The following SGCZ variants were observed in gnomAD, a reference collection of about 807,000 sequenced individuals.
The protein encoded by SGCZ is zeta-sarcoglycan.
A neutral mutation model predicts 41.3 loss-of-function variants in SGCZ; 40 were observed. That is an observed-to-expected ratio of 0.97 (90% CI 0.75 to 1.26). The LOEUF is 1.26. SGCZ is among the 50% of genes most tolerant of loss of function. The probability of loss-of-function intolerance (pLI) is 0.00; values close to 1 mark genes in which losing one functional copy is unlikely to be tolerated. For synonymous variants in SGCZ, 206 were observed against 137.5 expected (o/e 1.50, Z -3.49); for missense variants, 552 against 369.8 (o/e 1.49, Z -4.04).
intron 1 of SGCZ, among the ~76,000 whole-genome samples, chr8:14,648,831 C>T (rs117908794): frequency 0.011 from 1,623 of 152,092 alleles, 17 homozygotes; most frequent in Non-Finnish European, 0.013. Context: ...ATATTTCTGC[C>T]TTGTAGTGAC....
intron 1 of SGCZ, among the ~76,000 whole-genome samples, chr8:15,149,680 C>T (rs1799125001): frequency 7.8e-6 from 1 of 128,742 alleles, no homozygotes; most frequent in South Asian, 2.6e-4. Flanking sequence ...AAACAGTCAC[C>T]TTTAACGACT....
At chr8:15,064,766 A>G (rs2131016987) in intron 1 of SGCZ, among the ~76,000 whole-genome samples, 1 of 152,160 alleles carries the variant, frequency 6.6e-6, no homozygotes, top group African/African-American at 2.4e-5. Flanking sequence ...TAGATTTGAA[A>G]CTGAGCTCCC....
At chr8:15,126,292 T>C (rs1807677634) in intron 1 of SGCZ, among the ~76,000 whole-genome samples, 1 of 152,220 alleles carries the variant, frequency 6.6e-6, no homozygotes, top group African/African-American at 2.4e-5. Flanking sequence ...ACTATTTATA[T>C]CTACAGAGAT....
At position 15,021,475 on chromosome 8, in the gene SGCZ, C is replaced by A. The variant is rs1175442036; in HGVS notation, c.39+216110G>T. On this transcript the variant is annotated intron_variant, in intron 1 of 7. Transcript: ENST00000382080. ...CTGTTGGCTTATCTGAGGTTGTACACCCCTCTGACTTCCAACTTATAAGTC... is the reference window on the plus strand; with the variant it reads ...CTGTTGGCTTATCTGAGGTTGTACAACCCTCTGACTTCCAACTTATAAGTC... 3.3e-5 allele frequency among the ~76,000 whole-genome samples: 5 copies of A among 152,244 alleles called. No homozygotes were observed. The East Asian group carries it at 7.7e-4, about 24-fold the overall frequency.
intron 1 of SGCZ, among the ~76,000 whole-genome samples, chr8:14,775,170 G>A (rs1371424469): frequency 2.6e-5 from 4 of 152,190 alleles, no homozygotes; most frequent in African/African-American, 7.2e-5. Flanking sequence ...TTACATTACT[G>A]TGTATATGAA....
At chr8:14,472,400 T>C (rs539875809) in intron 2 of SGCZ, among the ~76,000 whole-genome samples, 2 of 152,228 alleles carry the variant, frequency 1.3e-5, no homozygotes, top group East Asian at 3.9e-4. Context: ...AGACCTACCA[T>C]ACCATTGTCT....
chr8:14,424,592 T>C (rs1799725817), intron 2 of SGCZ, among the ~76,000 whole-genome samples: 1 of 151,542 alleles, frequency 6.6e-6, no homozygotes, highest in African/African-American at 2.4e-5. Context: ...CATCTATAAT[T>C]CATATATTTT....
intron 3 of SGCZ, among the ~76,000 whole-genome samples, chr8:14,314,286 A>T (rs988527226): frequency 1.3e-5 from 2 of 151,598 alleles, no homozygotes; most frequent in African/African-American, 2.4e-5. Context: ...TCATAGTATT[A>T]TTTTTTTTCC....
chr8:14,555,115 T>C (rs1161755814), intron 1 of SGCZ, among the ~76,000 whole-genome samples, 189 bp from the exon 2 acceptor site: 1 of 152,036 alleles, frequency 6.6e-6, no homozygotes, highest in Non-Finnish European at 1.5e-5. Flanking sequence ...CAATATAGTT[T>C]TTTAGAGATG....
chr8:14,693,826 A>C (rs1291172436), intron 1 of SGCZ, among the ~76,000 whole-genome samples: 2 of 151,988 alleles, frequency 1.3e-5, no homozygotes, highest in Admixed American at 1.3e-4. Flanking sequence ...TCCTGACCTC[A>C]GGTGATCCGC....
chr8:14,892,125 T>C (rs951307560), intron 1 of SGCZ, among the ~76,000 whole-genome samples: 2 of 152,166 alleles, frequency 1.3e-5, no homozygotes, highest in African/African-American at 2.4e-5. Context: ...TAGTTGTACA[T>C]CATTTTACAT....
intron 2 of SGCZ, among the ~76,000 whole-genome samples, chr8:14,505,236 G>C (rs951012288): frequency 6.6e-6 from 1 of 152,084 alleles, no homozygotes; most frequent in Non-Finnish European, 1.5e-5. Flanking sequence ...GTTTATTGAA[G>C]TTGTCAAGTA....
In SGCZ at chr8:14,819,790, C is replaced by A. The variant is rs188948164; in HGVS notation, c.40-264864G>T. ...TGACCAAAGTCAAGTTGCTATGAAC[C>A]TAAAATAATCCATTTTAACCACAAG... On this transcript the variant is annotated intron_variant, in intron 1 of 7. Transcript: ENST00000382080. Among the ~76,000 whole-genome samples, 366 of 152,034 alleles carry A rather than the reference C, an allele frequency of 2.4e-3. 2 individuals carry two copies. The highest frequency in any genetic ancestry group is 3.0e-3 in the Non-Finnish European group (203 of 67,918).
intron 2 of SGCZ, among the ~76,000 whole-genome samples, chr8:14,347,876 C>T (rs1389034786): frequency 2.0e-5 from 3 of 152,034 alleles, no homozygotes; most frequent in African/African-American, 7.2e-5. Flanking sequence ...AGGTTGTAAC[C>T]AAGTGCCTCA....
intron 1 of SGCZ, among the ~76,000 whole-genome samples, chr8:14,837,737 T>A (rs189180286): frequency 2.0e-5 from 3 of 149,030 alleles, no homozygotes; most frequent in Non-Finnish European, 1.5e-5. Context: ...ATGGGATGGG[T>A]TTTTTTGTGA....
At chr8:14,941,275 G>T (rs1800266828) in intron 1 of SGCZ, among the ~76,000 whole-genome samples, 1 of 152,078 alleles carries the variant, frequency 6.6e-6, no homozygotes, top group South Asian at 2.1e-4. Flanking sequence ...TATAAAAGCA[G>T]TAGTGTCAAA....
chr8:14,489,476 T>G (rs17303140), intron 2 of SGCZ, among the ~76,000 whole-genome samples: 31,731 of 152,000 alleles, frequency 0.21, 3,638 homozygotes, highest in Admixed American at 0.27. Flanking sequence ...TGTAAATTAA[T>G]TTTGGTCAAT....
At chr8:14,453,405 GAAC>G (rs748149032) in intron 2 of SGCZ, among the ~76,000 whole-genome samples, 7 of 152,128 alleles carry the variant, frequency 4.6e-5, no homozygotes, top group African/African-American at 1.2e-4. Context: ...ACGAGAATTT[GAAC>G]AACAAGACAT....
chr8:14,949,874 T>C (rs1800574427), intron 1 of SGCZ, among the ~76,000 whole-genome samples: 1 of 152,112 alleles, frequency 6.6e-6, no homozygotes, highest in African/African-American at 2.4e-5. Context: ...ATCCAAAGTA[T>C]AAAAGAGTTT....
Sources: gnomAD v4.1 joint callset for allele counts (sites outside exome capture counted in the v4.1 genomes callset) on GRCh38, gnomAD v4.1.1 for gene constraint, MANE v1.5 for transcripts, NCBI Gene and HGNC (gene_info 2026-07-23, HGNC 2026-07-21) for gene names.